SIRT4: variants seen among roughly 807,000 people sequenced by gnomAD.
The protein encoded by SIRT4 is NAD-dependent protein lipoamidase sirtuin-4, mitochondrial.
SIRT4 carries 23 observed loss-of-function variants against 26.1 expected under a neutral mutation model. The ratio of observed to expected loss-of-function variants is 0.88; its 90% CI spans 0.63 to 1.25. The LOEUF is 1.25. Ranked by LOEUF, SIRT4 falls within the 50% of genes most tolerant of loss-of-function variation. The pLI, the probability that SIRT4 is intolerant of heterozygous loss-of-function variation, is 0.00. For missense variants in SIRT4, 361 were observed against 405.4 expected, an observed-to-expected ratio of 0.89 and a Z score of 0.94; for synonymous variants, 155 against 158.4, an observed-to-expected ratio of 0.98 and a Z score of 0.16.
At chr12:120,305,160 C>T (rs1872703623) in intron 2 of SIRT4, among the ~76,000 whole-genome samples, 1 of 151,112 alleles carries the variant, frequency 6.6e-6, no homozygotes, top group African/African-American at 2.4e-5. Flanking sequence ...GAGCAAAACT[C>T]CGTCTCAAAA....
intron 2 of SIRT4, among the ~76,000 whole-genome samples, chr12:120,307,551 T>C (rs1429194080): frequency 6.6e-6 from 1 of 151,698 alleles, no homozygotes; most frequent in African/African-American, 2.4e-5. Flanking sequence ...TTTGTAATAT[T>C]TGGGAAGACA....
rs761698760 is a variant in SIRT4, at chr12:120,303,671, C to T, written c.110C>T (p.Pro37Leu). 5.6e-6 allele frequency: 9 copies of T among 1,614,140 alleles called. No individual in the cohort carries two copies. The highest frequency in any genetic ancestry group is 6.8e-6 in the Non-Finnish European group (8 of 1,180,034). Residue 37 changes from proline to leucine, a missense_variant, in exon 2 of 4, where the codon CCT (proline) becomes CTT (leucine). Physicochemically the swap from Pro to Leu is moderately conservative, Grantham distance 98. Transcript: ENST00000202967. Reference protein sequence around the residue: ...ASIGLFVPASPPLDPEKVKEL... With the variant: ...ASIGLFVPASLPLDPEKVKEL... The stretch of plus-strand genomic sequence containing the variant: ...ATTGGGTTATTTGTGCCAGCAAGTC[C>T]TCCTCTGGACCCTGAGAAGGTCAAA...
At chr12:120,292,937 A>G in the SIRT4 span, among the ~76,000 whole-genome samples, 2 of 152,314 alleles carry the variant, frequency 1.3e-5, no homozygotes, top group Admixed American at 6.5e-5. Flanking sequence ...CAAATCACTA[A>G]AACAGGTAAA....
chr12:120,304,829 ATATATATTTTTT>A (rs1200503760), intron 2 of SIRT4, among the ~76,000 whole-genome samples: 4 of 31,158 alleles, frequency 1.3e-4, no homozygotes, highest in Admixed American at 4.0e-4. Flanking sequence ...ATATATATAT[ATATATATTTTTT>A]TTTTTTTTTT....
intron 2 of SIRT4, among the ~76,000 whole-genome samples, chr12:120,308,261 C>T (rs1010529981): frequency 6.6e-6 from 1 of 150,420 alleles, no homozygotes; most frequent in Admixed American, 6.7e-5. Context: ...CCTCCGCCTC[C>T]TGGGTTCAAG....
the SIRT4 span, chr12:120,293,213 T>TA: frequency 2.0e-5 from 3 of 152,230 alleles, no homozygotes; most frequent in African/African-American, 7.2e-5. Flanking sequence ...CCTCATTGGC[T>TA]ACGATACTGC....
chr12:120,311,983 A>G lies in SIRT4; in HGVS notation c.498-473A>G, dbSNP rs147688704. 1.1e-4 allele frequency among the ~76,000 whole-genome samples: 17 copies of G among 151,696 alleles called. No individual in the cohort carries two copies. The East Asian group carries it at 2.9e-3, about 26-fold the overall frequency. The stretch of plus-strand genomic sequence containing the variant: ...ATAGCAGAAGGTTAGGAAGGAGTGT[A>G]TAGGAAGGAAATTGATGGGCTGGGC... On this transcript the variant is annotated intron_variant, in intron 2 of 3. Transcript: ENST00000202967.
chr12:120,313,029 C>T lies in SIRT4; in HGVS notation c.938C>T (p.Pro313Leu). 1 of 1,614,094 alleles carries T rather than the reference C, an allele frequency of 6.2e-7. No individual in the cohort carries two copies. The highest frequency in any genetic ancestry group is 8.5e-7 in the Non-Finnish European group (1 of 1,180,032). Residue 313 changes from proline to leucine, a missense_variant, in exon 4 of 4, where the codon CCA becomes CTA. Coordinates refer to ENST00000202967, the MANE Select transcript of SIRT4 (RefSeq NM_012240.3). Reference protein sequence around the residue: ...RCGELLPLIDPC With the variant: ...RCGELLPLIDLC The stretch of plus-strand genomic sequence containing the variant: ...GGAGAGTTGCTGCCTTTGATAGACC[C>T]ATGCTGACCACAGCCTGATATTCCA...
chr12:120,292,287 G>C, the SIRT4 span, among the ~76,000 whole-genome samples: 1 of 152,140 alleles, frequency 6.6e-6, no homozygotes, highest in East Asian at 1.9e-4. Context: ...ATAATTTTAG[G>C]ACGTCACTGT....
At position 120,313,085 on chromosome 12, in the gene SIRT4, TTGC is replaced by T; in HGVS notation, c.*54_*56del. On this transcript the variant is annotated 3_prime_UTR_variant, in exon 4 of 4. Coordinates refer to ENST00000202967, the MANE Select transcript of SIRT4 (RefSeq NM_012240.3). ...TGGAACAGGGACTTTCACTTGAATCTTGCTGCTAAATGTAAATGCCTTCTCAAA... is the reference window on the plus strand; with the variant it reads ...TGGAACAGGGACTTTCACTTGAATCTTGCTAAATGTAAATGCCTTCTCAAA... 6.2e-7 allele frequency: 1 copy of T among 1,608,040 alleles called. No homozygotes were observed. Among genetic ancestry groups the T allele is most frequent in the Non-Finnish European group, 8.5e-7 (1 of 1,175,172 alleles).
intron 2 of SIRT4, 59 bp downstream of exon 2, chr12:120,304,117 A>G: frequency 6.4e-7 from 1 of 1,568,436 alleles, no homozygotes; most frequent in Non-Finnish European, 8.6e-7. Context: ...GAGAGTAGGG[A>G]CCTTGGCTGT....
chr12:120,312,813 C>T, intron 3 of SIRT4, 63 bp downstream of exon 3: 2 of 1,607,356 alleles, frequency 1.2e-6, no homozygotes, highest in Middle Eastern at 1.7e-4. Context: ...TGGAGAGACA[C>T]CCTGTTTGGT....
chr12:120,304,531 TC>T (rs202188577), intron 2 of SIRT4, among the ~76,000 whole-genome samples: 1,590 of 151,734 alleles, frequency 0.01, 40 homozygotes, highest in African/African-American at 0.037. Context: ...ATGCCTGTAA[TC>T]CCAGCTGCTT....
At chr12:120,291,877 G>A in the SIRT4 span, 41 of 152,194 alleles carry the variant, frequency 2.7e-4, no homozygotes, top group South Asian at 8.3e-4. Context: ...AACCTCATTG[G>A]CTACGATACT....
the SIRT4 span, chr12:120,293,299 G>C: frequency 6.6e-6 from 1 of 152,310 alleles, no homozygotes; most frequent in Non-Finnish European, 1.5e-5. Context: ...GCAAAGGTGA[G>C]TTTAGGGCCT....
chr12:120,302,251 A>G (rs1872575368), upstream of SIRT4: 1 of 152,118 alleles, frequency 6.6e-6, no homozygotes, highest in Admixed American at 6.6e-5. Flanking sequence ...CAATTGCGAG[A>G]CGCGGAGGAT....
intron 2 of SIRT4, among the ~76,000 whole-genome samples, chr12:120,307,339 A>G (rs1456459059): frequency 6.6e-6 from 1 of 152,024 alleles, no homozygotes; most frequent in African/African-American, 2.4e-5. Context: ...AAAATAAAAG[A>G]TTGGCCAGGC....
chr12:120,296,786 A>G, the SIRT4 span, among the ~76,000 whole-genome samples: 1 of 151,924 alleles, frequency 6.6e-6, no homozygotes, highest in Admixed American at 6.6e-5. Flanking sequence ...GAGGGATTAC[A>G]GGCATGAGCC....
chr12:120,291,810 T>G, the SIRT4 span: 27 of 152,180 alleles, frequency 1.8e-4, no homozygotes, highest in Admixed American at 5.9e-4. Context: ...ATATTTCAAG[T>G]CGTCATGGCG....
Sources: allele counts gnomAD v4.1 joint callset (sites outside exome capture counted in the v4.1 genomes callset), GRCh38; gene constraint gnomAD v4.1.1; transcripts MANE v1.5; gene names NCBI Gene and HGNC (gene_info 2026-07-23, HGNC 2026-07-21).